The following SH3BGRL2 variants were observed in gnomAD, a reference collection of about 807,000 sequenced individuals.
SH3BGRL2 encodes the protein SH3 domain binding glutamate rich protein like 2.
SH3BGRL2 carries 21 observed loss-of-function variants against 14.8 expected under a neutral mutation model. That is an observed-to-expected ratio of 1.42 (90% CI 1.01 to 2.05). SH3BGRL2 has a LOEUF of 2.05. Among genes scored for constraint, SH3BGRL2 ranks in the 30% most tolerant of loss-of-function variants. The pLI is 0.00. For synonymous variants in SH3BGRL2, 50 were observed against 47.8 expected, an observed-to-expected ratio of 1.05 and a Z score of -0.19; for missense variants, 147 against 130.8, an observed-to-expected ratio of 1.12 and a Z score of -0.61.
chr6:79,551,981 C>T, the SH3BGRL2 span, among the ~76,000 whole-genome samples: 1 of 152,036 alleles, frequency 6.6e-6, no homozygotes, highest in African/African-American at 2.4e-5. Context: ...TTCTTGGATG[C>T]CTGGGAAGCT....
intron 1 of SH3BGRL2, among the ~76,000 whole-genome samples, chr6:79,670,338 T>C (rs910115609): frequency 3.9e-5 from 6 of 152,230 alleles, no homozygotes; most frequent in African/African-American, 1.4e-4. Flanking sequence ...TTGCTTTGTA[T>C]GGTGTGTAGT....
At chr6:79,654,435 A>G (rs954735491) in intron 1 of SH3BGRL2, among the ~76,000 whole-genome samples, 1 of 152,176 alleles carries the variant, frequency 6.6e-6, no homozygotes, top group Non-Finnish European at 1.5e-5. Context: ...TTTGATTTTT[A>G]CAAATGCTGT....
At chr6:79,573,468 T>C in the SH3BGRL2 span, among the ~76,000 whole-genome samples, 4 of 152,182 alleles carry the variant, frequency 2.6e-5, no homozygotes, top group Admixed American at 1.3e-4. Context: ...ACCTGGTTAT[T>C]TTTGCCCTAT....
At chr6:79,673,920 C>A in intron 2 of SH3BGRL2, 121 bp downstream of exon 2, 2 of 998,146 alleles carry the variant, frequency 2.0e-6, no homozygotes, top group Non-Finnish European at 3.0e-6. Context: ...CCATTCAGAT[C>A]CACATGTCTA....
chr6:79,697,270 T>TA (rs1277944959), intron 3 of SH3BGRL2, among the ~76,000 whole-genome samples: 14 of 152,218 alleles, frequency 9.2e-5, no homozygotes, highest in Admixed American at 7.9e-4. Flanking sequence ...GGGAAAATAT[T>TA]AAAAAAGGGT....
the SH3BGRL2 span, among the ~76,000 whole-genome samples, chr6:79,576,783 C>G: frequency 6.6e-6 from 1 of 152,154 alleles, no homozygotes; most frequent in Non-Finnish European, 1.5e-5. Context: ...TTTGATGCCC[C>G]TTCTAAGGCA....
chr6:79,579,902 C>T, the SH3BGRL2 span, among the ~76,000 whole-genome samples: 3 of 152,156 alleles, frequency 2.0e-5, no homozygotes, highest in Non-Finnish European at 4.4e-5. Flanking sequence ...TCAGGAGACC[C>T]ATCTCACGTG....
In SH3BGRL2 at chr6:79,673,658, C is replaced by A; in HGVS notation, c.90C>A (p.Asn30Lys). The change falls in exon 2 of 4, where the codon AAC (asparagine) becomes AAA (lysine). Residue 30 changes from asparagine to lysine, a missense_variant. By Grantham distance (94) the Asn-to-Lys change is moderately conservative. Coordinates refer to ENST00000369838, the MANE Select transcript of SH3BGRL2 (RefSeq NM_031469.4). ...ATGTGGTTAGATTTCTGGAAGCCAA[C>A]AAGATAGAGTTTGAGGAGGTGGATA... is the stretch of plus-strand genomic sequence containing the variant. ...QQDVVRFLEA[N>K]KIEFEEVDIT... 1.2e-5 allele frequency: 19 copies of A among 1,613,936 alleles called. No individual in the cohort carries two copies. The highest frequency in any genetic ancestry group is 1.6e-5 in the Non-Finnish European group (19 of 1,179,954).
At chr6:79,693,032 T>C (rs1770257342) in intron 2 of SH3BGRL2, among the ~76,000 whole-genome samples, 2 of 152,092 alleles carry the variant, frequency 1.3e-5, no homozygotes, top group Admixed American at 6.5e-5. Flanking sequence ...CTTTATTTCA[T>C]TGAGCAGTGG....
the SH3BGRL2 span, among the ~76,000 whole-genome samples, chr6:79,625,766 A>G: frequency 6.6e-6 from 1 of 152,190 alleles, no homozygotes; most frequent in Non-Finnish European, 1.5e-5. Context: ...CATCTCTATT[A>G]AGCCTTGCAA....
At chr6:79,545,954 A>G in the SH3BGRL2 span, among the ~76,000 whole-genome samples, 1 of 152,128 alleles carries the variant, frequency 6.6e-6, no homozygotes, top group African/African-American at 2.4e-5. Flanking sequence ...TTTCATATAA[A>G]CTTCTGTTTA....
At chr6:79,541,480 C>T in the SH3BGRL2 span, among the ~76,000 whole-genome samples, 271 of 152,192 alleles carry the variant, frequency 1.8e-3, 2 homozygotes, top group African/African-American at 6.2e-3. Context: ...TACTTTTCTA[C>T]GTGTTGGTCT....
the SH3BGRL2 span, among the ~76,000 whole-genome samples, chr6:79,545,135 A>G: frequency 1.3e-5 from 2 of 152,170 alleles, no homozygotes; most frequent in Non-Finnish European, 2.9e-5. Flanking sequence ...TAATCTTCCC[A>G]ACTGAACTTC....
At chr6:79,595,151 C>T in the SH3BGRL2 span, among the ~76,000 whole-genome samples, 1 of 152,080 alleles carries the variant, frequency 6.6e-6, no homozygotes, top group Non-Finnish European at 1.5e-5. Context: ...CTGGGCATAG[C>T]GGCCCATGCC....
intron 1 of SH3BGRL2, among the ~76,000 whole-genome samples, chr6:79,641,013 A>G (rs1372640325): frequency 6.6e-6 from 1 of 152,174 alleles, no homozygotes; most frequent in Non-Finnish European, 1.5e-5. Flanking sequence ...AAGCAAAACA[A>G]AAAACCCAAA....
At chr6:79,607,174 A>G in the SH3BGRL2 span, among the ~76,000 whole-genome samples, 1 of 152,186 alleles carries the variant, frequency 6.6e-6, no homozygotes, top group African/African-American at 2.4e-5. Context: ...AGTTTGGTTC[A>G]GCTGGTCCTA....
intron 1 of SH3BGRL2, among the ~76,000 whole-genome samples, chr6:79,661,945 G>T (rs548501857): frequency 6.6e-6 from 1 of 152,258 alleles, no homozygotes; most frequent in South Asian, 2.1e-4. Flanking sequence ...CAGAGACTAG[G>T]ATTGCAGCCC....
chr6:79,663,175 C>T (rs921116806), intron 1 of SH3BGRL2, among the ~76,000 whole-genome samples: 9 of 152,278 alleles, frequency 5.9e-5, no homozygotes, highest in Middle Eastern at 3.4e-3. Flanking sequence ...ATTCTTTGTC[C>T]AGCTTTGTTC....
rs201415794 is a variant in SH3BGRL2, at chr6:79,699,525, G to A, written c.*16G>A. On this transcript the variant is annotated 3_prime_UTR_variant, in exon 4 of 4. Coordinates refer to ENST00000369838, the MANE Select transcript of SH3BGRL2 (RefSeq NM_031469.4). ...AGAACCTTAGAGAAGAAGAGTGGAAGATGACGGAGATGCATTTTGAAGCAC... is the reference window on the plus strand; with the variant it reads ...AGAACCTTAGAGAAGAAGAGTGGAAAATGACGGAGATGCATTTTGAAGCAC... 1.4e-4 allele frequency: 121 copies of A among 856,706 alleles called. No individual in the cohort carries two copies. In the African/African-American group the frequency reaches 2.3e-3, roughly 16 times the overall value. 53.1% of individuals were successfully genotyped at this position (856,706 alleles called of 1,614,324 possible).
Sources: allele counts gnomAD v4.1 joint callset (sites outside exome capture counted in the v4.1 genomes callset), GRCh38; gene constraint gnomAD v4.1.1; transcripts MANE v1.5; gene names NCBI Gene and HGNC (gene_info 2026-07-23, HGNC 2026-07-21).